NTHL1: variants seen among roughly 807,000 people sequenced by gnomAD.
The protein encoded by NTHL1 is nth like DNA glycosylase 1.
In NTHL1, 32 loss-of-function variants were observed where a neutral mutation model predicts 32.3. The ratio of observed to expected loss-of-function variants is 0.99; its 90% CI spans 0.75 to 1.33. The LOEUF is 1.33. Among genes scored for constraint, NTHL1 ranks in the 40% most tolerant of loss-of-function variants. NTHL1 has a pLI of 0.00. For missense variants in NTHL1, 501 were observed against 414.1 expected, an observed-to-expected ratio of 1.21 and a Z score of -1.82; for synonymous variants, 188 against 176.9, an observed-to-expected ratio of 1.06 and a Z score of -0.50.
At chr16:2,042,280 GCAGCT>G (rs2084277412) in intron 4 of NTHL1, 1 of 356,780 alleles carries the variant, frequency 2.8e-6, no homozygotes, top group Non-Finnish European at 5.5e-6. Flanking sequence ...AGGGACACGG[GCAGCT>G]GAGGACAGCC....
In NTHL1 at chr16:2,040,016, C is replaced by T. The variant is rs759411504; in HGVS notation, c.823G>A (p.Val275Met). ...ELWHEINGLL[V>M]GFGQQTCLPV... ...AGACAGGTCTGCTGGCCGAAGCCCA[C>T]CAAGAGTCCATTGATCTCGTGCCAC... is the stretch of plus-strand genomic sequence containing the variant. Residue 275 changes from valine (V) to methionine (M), a missense_variant, in exon 6 of 6, where the codon GTG (valine) becomes ATG (methionine). Val to Met is a conservative substitution (Grantham distance 21). Coordinates refer to ENST00000651570, the MANE Select transcript of NTHL1 (RefSeq NM_002528.7). 2.7e-5 allele frequency: 44 copies of T among 1,612,030 alleles called. No individual in the cohort carries two copies. Among genetic ancestry groups the T allele is most frequent in the Non-Finnish European group, 3.7e-5 (44 of 1,180,000 alleles).
Position 2,044,021 on chromosome 16 carries a change from C to A in NTHL1, c.526-295G>T, listed in dbSNP as rs2084306039. 5 of 475,666 alleles carry A rather than the reference C, an allele frequency of 1.1e-5. No homozygotes were observed. The South Asian group carries it at 1.1e-4, about 10-fold the overall frequency. 29.5% of individuals were successfully genotyped at this position (475,666 alleles called of 1,614,324 possible). A position where few individuals can be genotyped will look rare whatever the true frequency, so the allele number is the denominator to read the frequency against. On this transcript the variant is annotated intron_variant, in intron 3 of 5. Coordinates refer to ENST00000651570, the MANE Select transcript of NTHL1 (RefSeq NM_002528.7). This position sits in a 1 kb window ranked among gnomAD's most constrained non-coding sequence, Gnocchi z 5.0. The stretch of plus-strand genomic sequence containing the variant: ...ACCCAGGCCAGGCCAAGCAGGCCAG[C>A]CGCTCCCAGGAGTGGGGCTTGGCTG...
In NTHL1 at chr16:2,047,782, G is replaced by C. The variant is rs898348644; in HGVS notation, c.42C>G (p.Ser14Arg). ...LSARMLTRSR[S>R]LGPGAGPRGC... ...CCCGCGGCCCAGCCCCGGGTCCCAGGCTCCGGCTCCGGGTCAGCATCCTCG... is the reference window on the plus strand; with the variant it reads ...CCCGCGGCCCAGCCCCGGGTCCCAGCCTCCGGCTCCGGGTCAGCATCCTCG... Residue 14 changes from serine (S) to arginine (R), a missense_variant, in exon 1 of 6, where the codon AGC (serine) becomes AGG (arginine). By Grantham distance (110) the Ser-to-Arg change is moderately radical. Coordinates refer to ENST00000651570, the MANE Select transcript of NTHL1 (RefSeq NM_002528.7). 6.3e-7 allele frequency: 1 copy of C among 1,588,784 alleles called. No homozygotes were observed. The highest frequency in any genetic ancestry group is 8.5e-7 in the Non-Finnish European group (1 of 1,172,838).
In NTHL1 at chr16:2,047,829, A is replaced by C. The variant is rs1489806329; in HGVS notation, c.-6T>G. The C allele has an allele frequency of 1.9e-6, 3 of 1,593,872 alleles. No individual in the cohort carries two copies. On this transcript the variant is annotated 5_prime_UTR_variant, in exon 1 of 6. Coordinates refer to ENST00000651570, the MANE Select transcript of NTHL1 (RefSeq NM_002528.7). ...CTCGCGCTCAAGGCGGTCATGCCGG[A>C]CTCCTGCGGACTACACATCCCGGCG...
Position 2,043,579 on chromosome 16 carries a change from C to T in NTHL1, c.673G>A (p.Val225Met), listed in dbSNP as rs766473490. Residue 225 changes from valine to methionine, a missense_variant, in exon 4 of 6, where the codon GTG (valine) becomes ATG (methionine). Coordinates refer to ENST00000651570, the MANE Select transcript of NTHL1 (RefSeq NM_002528.7). This position sits in a 1 kb window ranked among gnomAD's most constrained non-coding sequence, Gnocchi z 4.4. Reference protein sequence around the residue: ...HLAMAVAWGTVSGIAVDTHVH... With the variant: ...HLAMAVAWGTMSGIAVDTHVH... ...CTCCTCTACTCACCAATGCCTGACACAGTGCCCCAGGCCACAGCCATAGCC... is the reference window on the plus strand; with the variant it reads ...CTCCTCTACTCACCAATGCCTGACATAGTGCCCCAGGCCACAGCCATAGCC... 5 of 1,607,960 alleles carry T rather than the reference C, an allele frequency of 3.1e-6. No homozygotes were observed. The East Asian group carries it at 1.1e-4, about 36-fold the overall frequency.
chr16:2,045,738 A>G (rs2084340367), intron 2 of NTHL1, among the ~76,000 whole-genome samples: 1 of 152,138 alleles, frequency 6.6e-6, no homozygotes, highest in African/African-American at 2.4e-5. Flanking sequence ...TGCCTGGCCC[A>G]TACTACCCAT....
At chr16:2,042,635 T>C (rs1567368721) in intron 4 of NTHL1, among the ~76,000 whole-genome samples, 1 of 151,978 alleles carries the variant, frequency 6.6e-6, no homozygotes, top group East Asian at 1.9e-4. Flanking sequence ...GAGCCCCAAA[T>C]CCTCTGGACA....
chr16:2,040,193 G>A lies in NTHL1; in HGVS notation c.731C>T (p.Thr244Ile), dbSNP rs145312239. The A allele has an allele frequency of 1.9e-6, 3 of 1,613,846 alleles. No individual in the cohort carries two copies. Among genetic ancestry groups the A allele is most frequent in the Non-Finnish European group, 2.5e-6 (3 of 1,180,034 alleles). ...CTCTGGGGACTTGGTTGCCTTCTTGGTCCACCTCAGCCTGTTGGCGATTCT... is the reference window on the plus strand; with the variant it reads ...CTCTGGGGACTTGGTTGCCTTCTTGATCCACCTCAGCCTGTTGGCGATTCT... ...VHRIANRLRWTKKATKSPEET... is the reference protein window; with the variant it reads ...VHRIANRLRWIKKATKSPEET... The change falls in exon 5 of 6, where the codon ACC (threonine) becomes ATC (isoleucine). Residue 244 changes from threonine to isoleucine, a missense_variant. By Grantham distance (89) the Thr-to-Ile change is moderately conservative. Transcript: ENST00000651570.
intron 4 of NTHL1, 191 bp from the exon 5 acceptor site, chr16:2,040,429 C>T: frequency 3.1e-6 from 2 of 655,144 alleles, no homozygotes; most frequent in Non-Finnish European, 5.5e-6. Context: ...GGGGCTGAGC[C>T]CTCTGTTGGG....
Position 2,043,508 on chromosome 16 carries a change from T to A in NTHL1, c.685+59A>T. ...GAAGTGGAGTCACAGGTCACAAGGA[T>A]GTGGGGAATCCCAAGAGCAGCCAGT... On this transcript the variant is annotated intron_variant, in intron 4 of 5. Coordinates refer to ENST00000651570, the MANE Select transcript of NTHL1 (RefSeq NM_002528.7). The surrounding 1 kb of genome is among the most constrained non-coding windows in gnomAD (Gnocchi z 4.4). The A allele has an allele frequency of 6.3e-7, 1 of 1,592,832 alleles. No individual in the cohort carries two copies. The highest frequency in any genetic ancestry group is 8.5e-7 in the Non-Finnish European group (1 of 1,175,878).
rs959911360 is a variant in NTHL1 at position 2,046,186 on chromosome 16, T to G, written c.296A>C (p.Asp99Ala). Residue 99 changes from aspartate to alanine, a missense_variant, in exon 2 of 6, where the codon GAT (aspartate) becomes GCT (alanine). Asp to Ala is a moderately radical substitution (Grantham distance 126). Transcript: ENST00000651570. ...AGTCCCCAGATGGTCCACAGGTGCA[T>G]CCTTTTTGTTCCTCATGGCACGGAT... ...VNIRAMRNKK[D>A]APVDHLGTEH... 3 of 1,613,104 alleles carry G rather than the reference T, an allele frequency of 1.9e-6. No homozygotes were observed. In the African/African-American group the frequency reaches 4.0e-5, roughly 22 times the overall value.
At position 2,044,869 on chromosome 16, in the gene NTHL1, C is replaced by A; in HGVS notation, c.355-69G>T. Reference sequence around the variant, plus strand: ...GTGATTCCCTGGCCAGGCTCCGCCCCCCGCCCTCGACACACCCTGGTTTGT... The same window carrying A: ...GTGATTCCCTGGCCAGGCTCCGCCCACCGCCCTCGACACACCCTGGTTTGT... On this transcript the variant is annotated intron_variant, in intron 2 of 5. Transcript: ENST00000651570. The surrounding 1 kb of genome is among the most constrained non-coding windows in gnomAD (Gnocchi z 5.0). 2 of 1,487,048 alleles carry A rather than the reference C, an allele frequency of 1.3e-6. No homozygotes were observed. Among genetic ancestry groups the A allele is most frequent in the Non-Finnish European group, 1.8e-6 (2 of 1,109,366 alleles). The allele number at this position is 1,487,048 out of a possible 1,614,324, so 92.1% of individuals were successfully genotyped here.
At chr16:2,046,023 G>A in intron 2 of NTHL1, 105 bp downstream of exon 2, 2 of 861,726 alleles carry the variant, frequency 2.3e-6, no homozygotes, top group African/African-American at 1.6e-5. Context: ...TCCTCCCAAG[G>A]TGCTGTCTGC....
chr16:2,040,043 G>A lies in NTHL1; in HGVS notation c.796C>T (p.Leu266=), dbSNP rs2084238678. The A allele has an allele frequency of 6.2e-7, 1 of 1,612,464 alleles. No homozygotes were observed. The highest frequency in any genetic ancestry group is 8.5e-7 in the Non-Finnish European group (1 of 1,179,998). ...AALEEWLPRE[L]WHEINGLLVG... ...AAGAGTCCATTGATCTCGTGCCACA[G>A]CTCCCTGTGGGGGTGGGGGCTGGGT... The change falls in exon 6 of 6, where the codon CTG becomes TTG. Residue 266 remains leucine, a synonymous_variant. Coordinates refer to ENST00000651570, the MANE Select transcript of NTHL1 (RefSeq NM_002528.7).
intron 4 of NTHL1, among the ~76,000 whole-genome samples, chr16:2,042,824 T>C: frequency 2.0e-5 from 1 of 49,122 alleles, no homozygotes; most frequent in Admixed American, 2.4e-4. Context: ...TCCCCTCTTC[T>C]CCCCGCAGCA....
rs931865828 is a variant in NTHL1, at chr16:2,047,781, G to C, written c.43C>G (p.Leu15Val). The part of the protein sequence containing the change: ...SARMLTRSRS[L>V]GPGAGPRGCR... Reference sequence around the variant, plus strand: ...CCCCGCGGCCCAGCCCCGGGTCCCAGGCTCCGGCTCCGGGTCAGCATCCTC... The same window carrying C: ...CCCCGCGGCCCAGCCCCGGGTCCCACGCTCCGGCTCCGGGTCAGCATCCTC... The change falls in exon 1 of 6, where the codon CTG becomes GTG. Residue 15 changes from leucine to valine, a missense_variant. Coordinates refer to ENST00000651570, the MANE Select transcript of NTHL1 (RefSeq NM_002528.7). The C allele has an allele frequency of 1.9e-6, 3 of 1,588,500 alleles. No homozygotes were observed. The highest frequency in any genetic ancestry group is 2.6e-6 in the Non-Finnish European group (3 of 1,172,796).
At position 2,044,178 on chromosome 16, in the gene NTHL1, C is replaced by T. The variant is rs1011425329; in HGVS notation, c.525+452G>A. ...CCCATCTGAGAAACTGCGGCCCACG[C>T]GGGTGCCAAGGGGAAGCGGCCCCAC... On this transcript the variant is annotated intron_variant, in intron 3 of 5. Transcript: ENST00000651570. The surrounding 1 kb of genome is among the most constrained non-coding windows in gnomAD (Gnocchi z 5.0). 16 of 321,384 alleles carry T rather than the reference C, an allele frequency of 5.0e-5. 1 individual carries two copies. The highest frequency in any genetic ancestry group is 1.8e-4 in the Admixed American group (4 of 22,630). The allele number at this position is 321,384 out of a possible 1,614,324, so 19.9% of individuals were successfully genotyped here. A position where few individuals can be genotyped will look rare whatever the true frequency, so the allele number is the denominator to read the frequency against.
chr16:2,047,732 A>G lies in NTHL1; in HGVS notation c.92T>C (p.Leu31Pro), dbSNP rs776714028. ...PRGCREEPGP[L>P]RRREAAAEAR... ...ACCTGCTGCAGCCTCTCTTCTCCGG[A>G]GAGGCCCGGGCTCCTCCCTACACCC... Residue 31 changes from leucine (L) to proline (P), a missense_variant, in exon 1 of 6, where the codon CTC becomes CCC. Leu to Pro is a moderately conservative substitution (Grantham distance 98). Transcript: ENST00000651570. 2 of 1,584,710 alleles carry G rather than the reference A, an allele frequency of 1.3e-6. No individual in the cohort carries two copies. The highest frequency in any genetic ancestry group is 1.7e-6 in the Non-Finnish European group (2 of 1,171,932).
chr16:2,040,715 G>A (rs1047453433), intron 4 of NTHL1, among the ~76,000 whole-genome samples: 9 of 152,154 alleles, frequency 5.9e-5, no homozygotes, highest in African/African-American at 1.2e-4. Context: ...ACCGAGGCCC[G>A]GCAGGATCCC....
Sources: gnomAD v4.1 joint callset for allele counts (sites outside exome capture counted in the v4.1 genomes callset) on GRCh38, gnomAD v4.1.1 for gene constraint, Gnocchi (gnomAD v3.1) non-coding constraint, MANE v1.5 for transcripts, NCBI Gene and HGNC (gene_info 2026-07-23, HGNC 2026-07-21) for gene names.